Variants in MED15 observed in about 807,000 individuals in gnomAD.
MED15 encodes mediator complex subunit 15.
In MED15, 41 loss-of-function variants were observed where a neutral mutation model predicts 118.7. That is an observed-to-expected ratio of 0.35 (90% confidence interval 0.27 to 0.45). The LOEUF is 0.45. MED15 is among the 20% of genes least tolerant of loss of function. The probability of loss-of-function intolerance (pLI) is 1.00; values close to 1 mark genes in which losing one functional copy is unlikely to be tolerated. For synonymous variants in MED15, 436 were observed against 413.9 expected (o/e 1.05, Z -0.65); for missense variants, 740 against 1,025.5 (o/e 0.72, Z 3.80).
In MED15 at chr22:20,507,648, G is replaced by A. The variant is rs372395916; in HGVS notation, c.-31G>A. On this transcript the variant is annotated 5_prime_UTR_variant, in exon 1 of 18. Transcript: ENST00000263205. ...AGGCGGCGGCGGTGGCGGCCAAGCGGGATACGGGCGGCGGGAGCTGGGGAA... is the reference window on the plus strand; with the variant it reads ...AGGCGGCGGCGGTGGCGGCCAAGCGAGATACGGGCGGCGGGAGCTGGGGAA... 267 of 1,613,522 alleles carry A rather than the reference G, an allele frequency of 1.7e-4. No homozygotes were observed. Among genetic ancestry groups the A allele is most frequent in the Non-Finnish European group, 2.2e-4 (255 of 1,179,702 alleles).
intron 1 of MED15, among the ~76,000 whole-genome samples, chr22:20,520,071 T>C (rs986218240): frequency 6.6e-6 from 1 of 152,162 alleles, no homozygotes; most frequent in Admixed American, 6.5e-5. Flanking sequence ...AAGTGTGAGC[T>C]GGAGGGCTGA....
intron 1 of MED15, among the ~76,000 whole-genome samples, chr22:20,535,665 T>TA (rs2055040888): frequency 6.6e-6 from 1 of 151,454 alleles, no homozygotes; most frequent in Non-Finnish European, 1.5e-5. Flanking sequence ...GTTCATGCCA[T>TA]TCTCCTGCCT....
At position 20,587,020 on chromosome 22, in the gene MED15, A is replaced by C. The variant is rs1650821184; in HGVS notation, c.*316A>C. The C allele has an allele frequency of 2.3e-6, 1 of 430,106 alleles. No homozygotes were observed. Among genetic ancestry groups the C allele is most frequent in the Admixed American group, 3.5e-5 (1 of 28,940 alleles). The allele number at this position is 430,106 out of a possible 1,614,324, so 26.6% of individuals were successfully genotyped here. ...GTCCACGGTCCAGGTCCATCTCAGC[A>C]GCGTGAGGGTGCACTCAGGGTGTTG... On this transcript the variant is annotated 3_prime_UTR_variant, in exon 18 of 18. Coordinates refer to ENST00000263205, the MANE Select transcript of MED15 (RefSeq NM_001003891.3).
rs933469612 is a variant in MED15 at position 20,507,634 on chromosome 22, G to A, written c.-45G>A. Reference sequence around the variant, plus strand: ...TGGCTCTGTGACTGAGGCGGCGGCGGTGGCGGCCAAGCGGGATACGGGCGG... The same window carrying A: ...TGGCTCTGTGACTGAGGCGGCGGCGATGGCGGCCAAGCGGGATACGGGCGG... On this transcript the variant is annotated 5_prime_UTR_variant, in exon 1 of 18. In the 5' UTR this introduces an upstream ATG that the reference lacks. Coordinates refer to ENST00000263205, the MANE Select transcript of MED15 (RefSeq NM_001003891.3). 1 of 1,612,288 alleles carries A rather than the reference G, an allele frequency of 6.2e-7. No homozygotes were observed. The highest frequency in any genetic ancestry group is 8.5e-7 in the Non-Finnish European group (1 of 1,178,734).
chr22:20,583,205 G>A lies in MED15; in HGVS notation c.1630G>A (p.Glu544Lys), dbSNP rs778072899. ...DKLKQLSKYIEPLRRMINKID... is the reference protein window; with the variant it reads ...DKLKQLSKYIKPLRRMINKID... ...GCTGAAGCAGCTGTCGAAGTACATC[G>A]AGCCCCTGCGCCGCATGATCAACAA... The change falls in exon 12 of 18, where the codon GAG becomes AAG. Residue 544 changes from glutamate (E) to lysine (K), a missense_variant. Physicochemically the swap from Glu to Lys is moderately conservative, Grantham distance 56. Around this residue, in one of 7 missense-constraint regions of MED15, gnomAD observed 384 missense variants for 506.3 expected, o/e 0.76. Coordinates refer to ENST00000263205, the MANE Select transcript of MED15 (RefSeq NM_001003891.3). The A allele has an allele frequency of 9.3e-6, 15 of 1,611,768 alleles. No individual in the cohort carries two copies. Among genetic ancestry groups the A allele is most frequent in the African/African-American group, 1.3e-5 (1 of 74,866 alleles).
intron 1 of MED15, among the ~76,000 whole-genome samples, chr22:20,528,619 G>T (rs751944985): frequency 6.6e-6 from 1 of 152,184 alleles, no homozygotes; most frequent in Non-Finnish European, 1.5e-5. Flanking sequence ...AGGGCTTGGG[G>T]ACCCTGCCCT....
intron 9 of MED15, 147 bp from the exon 10 acceptor site, chr22:20,582,460 CTGTG>C (rs954727475): frequency 9.6e-6 from 12 of 1,250,944 alleles, no homozygotes; most frequent in Admixed American, 2.1e-5. Flanking sequence ...GGGAGTGTGC[CTGTG>C]TGTATGTCCA....
chr22:20,584,342 G>C lies in MED15; in HGVS notation c.1737-17G>C, dbSNP rs1478817981. On this transcript the variant is annotated splice_polypyrimidine_tract_variant and intron_variant, in intron 13 of 17. Coordinates refer to ENST00000263205, the MANE Select transcript of MED15 (RefSeq NM_001003891.3). Reference sequence around the variant, plus strand: ...CATGTCTTCCACTCTTTCAGCCCAAGTCCTCTCTCTCTGCAGGTGTCCCCT... The same window carrying C: ...CATGTCTTCCACTCTTTCAGCCCAACTCCTCTCTCTCTGCAGGTGTCCCCT... 3.7e-6 allele frequency: 6 copies of C among 1,613,150 alleles called. No homozygotes were observed. Among genetic ancestry groups the C allele is most frequent in the Middle Eastern group, 3.3e-4 (2 of 5,982 alleles).
intron 9 of MED15, 137 bp from the exon 10 acceptor site, chr22:20,582,474 A>T: frequency 7.4e-7 from 1 of 1,356,422 alleles, no homozygotes; most frequent in Non-Finnish European, 1.0e-6. Flanking sequence ...GTGTATGTCC[A>T]GGTGGCATTT....
chr22:20,534,134 C>G (rs1330023508), intron 1 of MED15, among the ~76,000 whole-genome samples: 1 of 152,170 alleles, frequency 6.6e-6, no homozygotes, highest in African/African-American at 2.4e-5. Flanking sequence ...TTCTTCCTCT[C>G]TGACTCCTGG....
At chr22:20,516,034 A>T (rs1255201863) in intron 1 of MED15, among the ~76,000 whole-genome samples, 1 of 151,590 alleles carries the variant, frequency 6.6e-6, no homozygotes, top group Non-Finnish European at 1.5e-5. Flanking sequence ...ATAAATAAGT[A>T]GGTTGGGCGC....
exon 18 of MED15, chr22:20,587,617 GT>G: frequency 3.4e-6 from 2 of 580,558 alleles, no homozygotes; most frequent in Non-Finnish European, 5.4e-6. Flanking sequence ...TTATTCCTGT[GT>G]TTGTCAGTTG....
Position 20,552,509 on chromosome 22 carries a change from G to A in MED15, c.209-636G>A, listed in dbSNP as rs545053829. ...AGCCCAGATGATCTGGCCCAGATGCGCTGGCAGACTCCGCATGTTCTGCTT... is the reference window on the plus strand; with the variant it reads ...AGCCCAGATGATCTGGCCCAGATGCACTGGCAGACTCCGCATGTTCTGCTT... On this transcript the variant is annotated intron_variant, in intron 3 of 17. Transcript: ENST00000263205. 18 of 438,200 alleles carry A rather than the reference G, an allele frequency of 4.1e-5. No homozygotes were observed. The East Asian group carries it at 1.2e-3, about 30-fold the overall frequency. The allele number at this position is 438,200 out of a possible 1,614,324, so 27.1% of individuals were successfully genotyped here.
intron 2 of MED15, chr22:20,551,224 C>G (rs986222143): frequency 7.2e-6 from 5 of 698,212 alleles, no homozygotes; most frequent in Non-Finnish European, 1.3e-5. Context: ...CTGTCCCCTT[C>G]TTGTTTCTTT....
chr22:20,552,641 C>A, intron 3 of MED15: 1 of 350,044 alleles, frequency 2.9e-6, no homozygotes, highest in Admixed American at 4.2e-5. Context: ...CAGAAGTTCT[C>A]CGCTGGGCAC....
At chr22:20,515,894 T>C (rs920955561) in intron 1 of MED15, among the ~76,000 whole-genome samples, 2 of 152,034 alleles carry the variant, frequency 1.3e-5, no homozygotes, top group African/African-American at 2.4e-5. Flanking sequence ...TCCCAGCTAC[T>C]TGGGAGGCTG....
At chr22:20,552,876 G>T (rs2055835391) in intron 3 of MED15, among the ~76,000 whole-genome samples, 1 of 152,182 alleles carries the variant, frequency 6.6e-6, no homozygotes, top group South Asian at 2.1e-4. Context: ...GTAGGCCCAG[G>T]GTCCCCAACC....
intron 1 of MED15, among the ~76,000 whole-genome samples, chr22:20,518,215 A>G (rs1265685368): frequency 6.6e-6 from 1 of 152,160 alleles, no homozygotes; most frequent in Admixed American, 6.5e-5. Flanking sequence ...TTTGAGATGG[A>G]GTCTCGCCCT....
chr22:20,517,850 C>G (rs1009607664), intron 1 of MED15, among the ~76,000 whole-genome samples: 2 of 146,496 alleles, frequency 1.4e-5, no homozygotes, highest in African/African-American at 5.5e-5. Context: ...TAAATTAGAT[C>G]CATTTTTTTT....
Sources: gnomAD v4.1 joint callset for allele counts (sites outside exome capture counted in the v4.1 genomes callset) on GRCh38, gnomAD v4.1.1 for gene constraint, gnomAD v4.1.1 regional missense constraint, MANE v1.5 for transcripts, NCBI Gene and HGNC (gene_info 2026-07-23, HGNC 2026-07-21) for gene names.